Variants in EPB41L4B observed in about 807,000 individuals in gnomAD.
EPB41L4B encodes erythrocyte membrane protein band 4.1 like 4B, also known as band 4.1-like protein 4B.
EPB41L4B carries 30 observed loss-of-function variants against 112.5 expected under a neutral mutation model. That is an observed-to-expected ratio of 0.27 (90% CI 0.20 to 0.36). The LOEUF (loss-of-function observed/expected upper bound fraction) is 0.36, where lower values mean the gene tolerates loss of function less well. Among genes scored for constraint, EPB41L4B ranks in the 10% least tolerant of loss-of-function variants. The pLI is 1.00. For synonymous variants in EPB41L4B, 408 were observed against 439.7 expected (o/e 0.93, Z 0.90); for missense variants, 1,024 against 1,133.3 (o/e 0.90, Z 1.38).
chr9:109,311,480 A>G (rs1416073860), intron 1 of EPB41L4B, among the ~76,000 whole-genome samples: 4 of 152,206 alleles, frequency 2.6e-5, no homozygotes, highest in Non-Finnish European at 5.9e-5. Context: ...GAGCTGGGTA[A>G]CAAAGAAGCA....
At chr9:109,237,171 G>A (rs771617904) in intron 15 of EPB41L4B, among the ~76,000 whole-genome samples, 70 of 152,330 alleles carry the variant, frequency 4.6e-4, no homozygotes, top group Non-Finnish European at 8.2e-4. Flanking sequence ...AGGACTGAGA[G>A]GAATTACCAC....
At chr9:109,298,212 G>A (rs1274234174) in intron 1 of EPB41L4B, among the ~76,000 whole-genome samples, 1 of 152,050 alleles carries the variant, frequency 6.6e-6, no homozygotes, top group East Asian at 1.9e-4. Context: ...TTGTGGTTAG[G>A]GTGAGCTACT....
At chr9:109,297,515 G>A (rs1021526605) in intron 1 of EPB41L4B, among the ~76,000 whole-genome samples, 1 of 152,130 alleles carries the variant, frequency 6.6e-6, no homozygotes, top group African/African-American at 2.4e-5. Context: ...ATTTCCCACC[G>A]AGTGATTTGA....
intron 15 of EPB41L4B, among the ~76,000 whole-genome samples, chr9:109,238,203 A>G (rs1834217798): frequency 2.6e-5 from 4 of 152,172 alleles, no homozygotes; most frequent in Admixed American, 2.6e-4. Flanking sequence ...GCCCCTATAT[A>G]TTAGCGCAGA....
At chr9:109,240,146 T>C in intron 15 of EPB41L4B, 1 of 984,822 alleles carries the variant, frequency 1.0e-6, no homozygotes, top group Non-Finnish European at 1.2e-6. Flanking sequence ...AAAATGAAGA[T>C]GGAGTCAAAA....
intron 1 of EPB41L4B, among the ~76,000 whole-genome samples, chr9:109,319,933 G>A (rs901690956): frequency 3.3e-5 from 5 of 152,150 alleles, no homozygotes; most frequent in African/African-American, 1.2e-4. Context: ...TGCCAAGGAG[G>A]GGGCACGGGC....
At chr9:109,312,700 T>A (rs1837462846) in intron 1 of EPB41L4B, among the ~76,000 whole-genome samples, 1 of 152,132 alleles carries the variant, frequency 6.6e-6, no homozygotes, top group Non-Finnish European at 1.5e-5. Context: ...TTCAACAAGA[T>A]AATCACCTAG....
At chr9:109,297,023 A>G (rs762358148) in intron 1 of EPB41L4B, among the ~76,000 whole-genome samples, 3 of 152,176 alleles carry the variant, frequency 2.0e-5, no homozygotes, top group Non-Finnish European at 4.4e-5. Flanking sequence ...GTTTGGAGAC[A>G]GGGCTTTTAA....
At chr9:109,183,934 T>A (rs758337991) in intron 23 of EPB41L4B, among the ~76,000 whole-genome samples, 3 of 152,254 alleles carry the variant, frequency 2.0e-5, no homozygotes, top group Non-Finnish European at 2.9e-5. Flanking sequence ...GTCTCCCCCA[T>A]GTGGGGATGA....
intron 13 of EPB41L4B, among the ~76,000 whole-genome samples, chr9:109,249,036 G>A (rs1402227281): frequency 7.1e-6 from 1 of 139,884 alleles, no homozygotes; most frequent in Admixed American, 7.6e-5. Context: ...TCTAGCCTGG[G>A]CGACAGAGCG....
chr9:109,292,084 A>G (rs1240435043), intron 1 of EPB41L4B, among the ~76,000 whole-genome samples: 1 of 152,160 alleles, frequency 6.6e-6, no homozygotes, highest in African/African-American at 2.4e-5. Flanking sequence ...CATTCCTATG[A>G]ACCCTCTTTC....
At chr9:109,197,189 G>C (rs1832670530) in intron 20 of EPB41L4B, among the ~76,000 whole-genome samples, 1 of 152,238 alleles carries the variant, frequency 6.6e-6, no homozygotes, top group Non-Finnish European at 1.5e-5. Flanking sequence ...TTGGGAGGCT[G>C]AAGCGGGCGG....
chr9:109,197,456 G>C (rs1048268340), intron 20 of EPB41L4B, among the ~76,000 whole-genome samples: 1 of 151,482 alleles, frequency 6.6e-6, no homozygotes, highest in African/African-American at 2.4e-5. Flanking sequence ...ATAAAAAGAT[G>C]GGCAAATGAG....
chr9:109,251,419 C>T, intron 13 of EPB41L4B, 62 bp downstream of exon 13: 1 of 1,506,796 alleles, frequency 6.6e-7, no homozygotes, highest in Non-Finnish European at 9.2e-7. Context: ...AAAAAGTCAA[C>T]ATTGCAAATA....
chr9:109,228,474 G>A (rs1833857333), intron 15 of EPB41L4B, among the ~76,000 whole-genome samples: 1 of 152,132 alleles, frequency 6.6e-6, no homozygotes, highest in African/African-American at 2.4e-5. Context: ...AATTTTCTCA[G>A]TGTTTTGGGA....
intron 19 of EPB41L4B, among the ~76,000 whole-genome samples, chr9:109,203,192 C>G (rs1174558484): frequency 1.3e-5 from 2 of 152,118 alleles, no homozygotes; most frequent in Non-Finnish European, 2.9e-5. Context: ...TTAAAAGGAA[C>G]ATATGTGGCT....
rs41278395 is a variant in EPB41L4B at position 109,267,691 on chromosome 9, C to G, written c.455-140G>C. ...GCATAACTGGGCACGCGACACTAGC[C>G]AATTCTTTTCAGTCCTCATCAGGGA... On this transcript the variant is annotated intron_variant, in intron 3 of 25. Coordinates refer to ENST00000374566, the MANE Select transcript of EPB41L4B (RefSeq NM_019114.5). The G allele has an allele frequency of 2.9e-3, 1,728 of 593,812 alleles. 5 individuals carry two copies. The highest frequency in any genetic ancestry group is 4.6e-3 in the Non-Finnish European group (1,531 of 333,556). 36.8% of individuals were successfully genotyped at this position (593,812 alleles called of 1,614,324 possible). A position where few individuals can be genotyped will look rare whatever the true frequency, so the allele number is the denominator to read the frequency against.
chr9:109,295,020 A>G (rs1836683818), intron 1 of EPB41L4B, among the ~76,000 whole-genome samples: 1 of 152,138 alleles, frequency 6.6e-6, no homozygotes, highest in Non-Finnish European at 1.5e-5. Flanking sequence ...ATGCAGACAG[A>G]AAAAATTACT....
intron 6 of EPB41L4B, among the ~76,000 whole-genome samples, chr9:109,261,488 G>C (rs575479309): frequency 6.6e-6 from 1 of 152,178 alleles, no homozygotes; most frequent in African/African-American, 2.4e-5. Flanking sequence ...TTGAGGCCAG[G>C]AGTTCAAGAC....
Sources: gnomAD v4.1 joint callset for allele counts (sites outside exome capture counted in the v4.1 genomes callset) on GRCh38, gnomAD v4.1.1 for gene constraint, MANE v1.5 for transcripts, NCBI Gene and HGNC (gene_info 2026-07-23, HGNC 2026-07-21) for gene names.